Variants in ACSM2B observed in about 807,000 individuals in gnomAD.
ACSM2B encodes acyl-coenzyme A synthetase ACSM2B, mitochondrial.
In ACSM2B, 58 loss-of-function variants were observed where a neutral mutation model predicts 78.6. That is an observed-to-expected ratio of 0.74 (90% CI 0.60 to 0.92). The LOEUF (loss-of-function observed/expected upper bound fraction) is 0.92. ACSM2B is among the 40% of genes least tolerant of loss of function. The probability of loss-of-function intolerance (pLI) is 0.00; values close to 1 mark genes in which losing one functional copy is unlikely to be tolerated. For missense variants in ACSM2B, 688 were observed against 711.2 expected (o/e 0.97, Z 0.37); for synonymous variants, 257 against 256.8 (o/e 1.00, Z -0.01).
intron 2 of ACSM2B, among the ~76,000 whole-genome samples, chr16:20,562,260 C>G (rs950816516): frequency 1.3e-5 from 2 of 152,046 alleles, no homozygotes; most frequent in Admixed American, 1.3e-4. Context: ...GTTCTAATTT[C>G]TCTGTTTTAT....
chr16:20,551,024 C>T (rs187007902), intron 6 of ACSM2B, among the ~76,000 whole-genome samples: 1 of 152,252 alleles, frequency 6.6e-6, no homozygotes, highest in East Asian at 1.9e-4. Context: ...GAACAAACAT[C>T]TGATACATGC....
At chr16:20,563,275 C>A (rs571653284) in intron 2 of ACSM2B, among the ~76,000 whole-genome samples, 1 of 152,166 alleles carries the variant, frequency 6.6e-6, no homozygotes, top group South Asian at 2.1e-4. Context: ...TATTTAATGG[C>A]CATTTGAGTT....
intron 5 of ACSM2B, among the ~76,000 whole-genome samples, 158 bp from the exon 6 acceptor site, chr16:20,552,455 G>A (rs2015344541): frequency 6.6e-6 from 1 of 152,044 alleles, no homozygotes; most frequent in Admixed American, 6.5e-5. Context: ...AAGTAGGAAG[G>A]GGGAAGAAAA....
At chr16:20,561,961 G>A (rs1428177227) in intron 2 of ACSM2B, among the ~76,000 whole-genome samples, 2 of 11,976 alleles carry the variant, frequency 1.7e-4, no homozygotes, top group Non-Finnish European at 2.7e-4. Context: ...AGAACATGCA[G>A]TGTTTGGTTT....
intron 3 of ACSM2B, among the ~76,000 whole-genome samples, chr16:20,557,091 G>T (rs1449714537): frequency 6.6e-6 from 1 of 152,024 alleles, no homozygotes; most frequent in East Asian, 1.9e-4. Flanking sequence ...GAAAGAGGTT[G>T]CTGGAGTTTC....
At chr16:20,568,306 T>C (rs1022452316) in intron 1 of ACSM2B, among the ~76,000 whole-genome samples, 1 of 144,334 alleles carries the variant, frequency 6.9e-6, no homozygotes, top group Non-Finnish European at 1.5e-5. Flanking sequence ...ATATACATAC[T>C]ATTATATATT....
chr16:20,538,422 T>C lies in ACSM2B; in HGVS notation c.1630-1060A>G, dbSNP rs567132581. Among the ~76,000 whole-genome samples the C allele has an allele frequency of 1.3e-5, 2 of 152,198 alleles. 1 individual carries two copies. The highest frequency in any genetic ancestry group is 2.9e-5 in the Non-Finnish European group (2 of 68,034). On this transcript the variant is annotated intron_variant, in intron 13 of 13. Coordinates refer to ENST00000329697, the MANE Select transcript of ACSM2B (RefSeq NM_001105069.2). ...TGGGCAAAGTTGAGTAGTTGCAACA[T>C]AGACCACATAGCCTACAATATTTAC... is the stretch of plus-strand genomic sequence containing the variant.
At chr16:20,557,748 C>T (rs1370050293) in intron 3 of ACSM2B, among the ~76,000 whole-genome samples, 2 of 152,204 alleles carry the variant, frequency 1.3e-5, no homozygotes, top group African/African-American at 2.4e-5. Flanking sequence ...ATGGCCTGGA[C>T]TTCAGGCACA....
intron 10 of ACSM2B, among the ~76,000 whole-genome samples, 154 bp downstream of exon 10, chr16:20,545,003 C>A (rs1200746683): frequency 6.6e-6 from 1 of 152,188 alleles, no homozygotes; most frequent in Non-Finnish European, 1.5e-5. Flanking sequence ...AGCCACTTTT[C>A]TTCCACTGGC....
chr16:20,564,897 A>T, intron 1 of ACSM2B, 44 bp from the exon 2 acceptor site: 1 of 1,556,486 alleles, frequency 6.4e-7, no homozygotes, highest in Admixed American at 2.0e-5. Flanking sequence ...TCTTTAACAG[A>T]TTGCTCTACT....
At chr16:20,572,828 A>G (rs2016127968) in intron 1 of ACSM2B, among the ~76,000 whole-genome samples, 1 of 151,920 alleles carries the variant, frequency 6.6e-6, no homozygotes, top group Non-Finnish European at 1.5e-5. Context: ...CTTGTCTTCA[A>G]GCTCTGAAGT....
Position 20,540,707 on chromosome 16 carries a change from C to A in ACSM2B, c.1576G>T (p.Glu526Ter), listed in dbSNP as rs1420381414. The change falls in exon 13 of 14, where the codon GAG becomes TAG. Residue 526 changes from glutamate (E) to a stop codon, truncating the protein, a stop_gained. Coordinates refer to ENST00000329697, the MANE Select transcript of ACSM2B (RefSeq NM_001105069.2). LOFTEE classifies it high-confidence loss of function. ...ACTGACTTCACATGCTGCTGCAGCT[C>A]CTTGGTGAGCTGTTCTGGGTCATGG... Reference protein sequence around the residue: ...LSHDPEQLTKELQQHVKSVTA... With the variant: ...LSHDPEQLTK 6.2e-7 allele frequency: 1 copy of A among 1,614,106 alleles called. No individual in the cohort carries two copies. Among genetic ancestry groups the A allele is most frequent in the Non-Finnish European group, 8.5e-7 (1 of 1,180,004 alleles).
chr16:20,574,177 T>C (rs1021881173), intron 1 of ACSM2B: 1 of 152,036 alleles, frequency 6.6e-6, no homozygotes, highest in Admixed American at 6.6e-5. Flanking sequence ...ATATTTCTCC[T>C]ACTTGCACAT....
In ACSM2B at chr16:20,537,133, GC is replaced by G. The variant is rs1197857282; in HGVS notation, c.*124del. ...GTAATGTTTTGTGCTAATAACCAGGGCAAGACAAAACTTACATTCATGTTCT... is the reference window on the plus strand; with the variant it reads ...GTAATGTTTTGTGCTAATAACCAGGGAAGACAAAACTTACATTCATGTTCT... On this transcript the variant is annotated 3_prime_UTR_variant, in exon 14 of 14. Coordinates refer to ENST00000329697, the MANE Select transcript of ACSM2B (RefSeq NM_001105069.2). The G allele has an allele frequency of 8.5e-7, 1 of 1,178,390 alleles. No homozygotes were observed. Among genetic ancestry groups the G allele is most frequent in the East Asian group, 2.4e-5 (1 of 42,414 alleles). The allele number at this position is 1,178,390 out of a possible 1,614,324, so 73.0% of individuals were successfully genotyped here.
intron 12 of ACSM2B, 40 bp from the exon 13 acceptor site, chr16:20,540,813 T>A (rs758392079): frequency 6.3e-7 from 1 of 1,597,406 alleles, no homozygotes; most frequent in Non-Finnish European, 8.6e-7. Context: ...GGGATTAGAG[T>A]GTGTAGTCAT....
intron 2 of ACSM2B, among the ~76,000 whole-genome samples, chr16:20,561,557 C>G (rs1404398477): frequency 1.3e-5 from 2 of 151,844 alleles, no homozygotes; most frequent in African/African-American, 4.8e-5. Flanking sequence ...TCCACCAGGC[C>G]CTACCTCCAA....
intron 1 of ACSM2B, among the ~76,000 whole-genome samples, chr16:20,570,473 T>C (rs531933331): frequency 6.6e-6 from 1 of 152,156 alleles, no homozygotes; most frequent in Admixed American, 6.6e-5. Flanking sequence ...TAGCAGCTAA[T>C]TAAGAATTTT....
Position 20,537,309 on chromosome 16 carries a change from G to C in ACSM2B, c.1683C>G (p.Thr561=). The change falls in exon 14 of 14, where the codon ACC becomes ACG. Residue 561 remains threonine, a synonymous_variant. Coordinates refer to ENST00000329697, the MANE Select transcript of ACSM2B (RefSeq NM_001105069.2). ...PKTVTGKIQR[T]KLRDKEWKMS... is the part of the protein sequence containing the mutation. ...TCTTCCACTCCTTGTCTCGAAGTTTGGTTCGTTGAATTTTCCCTGTGACAG... is the reference window on the plus strand; with the variant it reads ...TCTTCCACTCCTTGTCTCGAAGTTTCGTTCGTTGAATTTTCCCTGTGACAG... 1 of 1,613,966 alleles carries C rather than the reference G, an allele frequency of 6.2e-7. No homozygotes were observed. Among genetic ancestry groups the C allele is most frequent in the Non-Finnish European group, 8.5e-7 (1 of 1,179,902 alleles).
At chr16:20,547,968 G>A in intron 8 of ACSM2B, 94 bp downstream of exon 8, 13 of 1,572,216 alleles carry the variant, frequency 8.3e-6, no homozygotes, top group Non-Finnish European at 1.1e-5. Context: ...TCAAATAAAT[G>A]AATGATACAT....
Sources: gnomAD v4.1 joint callset for allele counts (sites outside exome capture counted in the v4.1 genomes callset) on GRCh38, gnomAD v4.1.1 for gene constraint, MANE v1.5 for transcripts, NCBI Gene and HGNC (gene_info 2026-07-23, HGNC 2026-07-21) for gene names.